The following GRIK2 variants were observed in gnomAD, a reference collection of about 807,000 sequenced individuals.
The protein encoded by GRIK2 is glutamate receptor ionotropic, kainate 2.
GRIK2 carries 32 observed loss-of-function variants against 100.3 expected under a neutral mutation model. The ratio of observed to expected loss-of-function variants is 0.32; its 90% CI spans 0.24 to 0.43. The LOEUF is 0.43. Among genes scored for constraint, GRIK2 ranks in the 20% least tolerant of loss-of-function variants. The pLI, the probability that GRIK2 is intolerant of heterozygous loss-of-function variation, is 1.00. For synonymous variants in GRIK2, 417 were observed against 389.4 expected (o/e 1.07, Z -0.83); for missense variants, 843 against 1,114.9 (o/e 0.76, Z 3.47).
intron 7 of GRIK2, among the ~76,000 whole-genome samples, chr6:101,713,229 G>A (rs934916459): frequency 1.3e-5 from 2 of 151,398 alleles, no homozygotes; most frequent in Admixed American, 1.3e-4. Flanking sequence ...TTAGAGGCAT[G>A]GTATCTGTCA....
At chr6:101,594,155 G>C (rs765455389) in intron 2 of GRIK2, among the ~76,000 whole-genome samples, 1 of 151,744 alleles carries the variant, frequency 6.6e-6, no homozygotes, top group Non-Finnish European at 1.5e-5. Flanking sequence ...TGCCAATTTA[G>C]TAATGTAATA....
chr6:101,524,659 AT>A, intron 2 of GRIK2, among the ~76,000 whole-genome samples: 1 of 151,038 alleles, frequency 6.6e-6, no homozygotes. Context: ...GCTCCACAAT[AT>A]TTTACAAATT....
rs548175656 is a variant in GRIK2, at chr6:101,787,344, A to G, written c.952-12304A>G. On this transcript the variant is annotated intron_variant, in intron 7 of 16. Coordinates refer to ENST00000369134, the MANE Select transcript of GRIK2 (RefSeq NM_021956.5). ...TCTTTATTATTTTTTTCTTCTACTA[A>G]TACTAGGTTTGATTTGTTCTTACTT... 7.9e-5 allele frequency among the ~76,000 whole-genome samples: 12 copies of G among 151,668 alleles called. No individual in the cohort carries two copies. The South Asian group carries it at 2.3e-3, about 29-fold the overall frequency.
chr6:101,655,286 T>G (rs1175677424), intron 4 of GRIK2, among the ~76,000 whole-genome samples: 2 of 152,172 alleles, frequency 1.3e-5, no homozygotes. Context: ...AGTAAGAATT[T>G]TTTGTAGAAA....
chr6:101,929,959 A>G (rs1790154794), intron 14 of GRIK2, among the ~76,000 whole-genome samples: 1 of 152,138 alleles, frequency 6.6e-6, no homozygotes, highest in Admixed American at 6.5e-5. Flanking sequence ...ATTAATTGCG[A>G]TGGATCAGTT....
At chr6:101,636,340 G>A (rs1162077292) in intron 4 of GRIK2, among the ~76,000 whole-genome samples, 1 of 152,036 alleles carries the variant, frequency 6.6e-6, no homozygotes, top group Non-Finnish European at 1.5e-5. Context: ...TCACACACTG[G>A]GGCCTGTCAG....
At chr6:101,979,961 G>T (rs1167669236) in intron 14 of GRIK2, among the ~76,000 whole-genome samples, 1 of 151,964 alleles carries the variant, frequency 6.6e-6, no homozygotes, top group Admixed American at 6.6e-5. Context: ...GATTTCTGTG[G>T]TGGAGAAGTG....
chr6:101,930,313 G>A (rs1372473746), intron 14 of GRIK2, among the ~76,000 whole-genome samples: 2 of 150,272 alleles, frequency 1.3e-5, no homozygotes, highest in Non-Finnish European at 2.9e-5. Flanking sequence ...TAGCACTCCA[G>A]CTTGGGCAAC....
chr6:101,569,248 G>A (rs1777424912), intron 2 of GRIK2, among the ~76,000 whole-genome samples: 1 of 151,560 alleles, frequency 6.6e-6, no homozygotes, highest in East Asian at 1.9e-4. Context: ...AAGTATAAAC[G>A]ATAAACATTT....
intron 10 of GRIK2, among the ~76,000 whole-genome samples, chr6:101,851,776 TAA>T (rs35853158): frequency 1.2e-3 from 171 of 147,040 alleles, no homozygotes; most frequent in Non-Finnish European, 1.3e-3. Flanking sequence ...CCCAGTTAAC[TAA>T]AAAAAAAAAA....
intron 11 of GRIK2, among the ~76,000 whole-genome samples, chr6:101,865,884 G>T (rs561977206): frequency 6.9e-6 from 1 of 144,054 alleles, no homozygotes; most frequent in African/African-American, 2.6e-5. Context: ...GTGAGACCCC[G>T]TCTCAAAAAA....
At chr6:101,653,640 C>CT (rs1336626023) in intron 4 of GRIK2, among the ~76,000 whole-genome samples, 1,577 of 149,400 alleles carry the variant, frequency 0.011, 25 homozygotes, top group African/African-American at 0.037. Flanking sequence ...TTCTTTCTTT[C>CT]TTTTTTTTTT....
chr6:101,933,991 T>G (rs1413146422), intron 14 of GRIK2, among the ~76,000 whole-genome samples: 2 of 151,850 alleles, frequency 1.3e-5, no homozygotes, highest in Non-Finnish European at 2.9e-5. Flanking sequence ...TTGTTTTCTC[T>G]GTCTCTCTCT....
chr6:101,486,394 G>GT (rs1554207435), intron 2 of GRIK2, among the ~76,000 whole-genome samples: 2 of 139,508 alleles, frequency 1.4e-5, no homozygotes, highest in Non-Finnish European at 3.1e-5. Flanking sequence ...GGTGGGGCGG[G>GT]GGGGGGAAGC....
intron 7 of GRIK2, among the ~76,000 whole-genome samples, chr6:101,741,107 A>G (rs1490408197): frequency 6.6e-6 from 1 of 152,230 alleles, no homozygotes; most frequent in African/African-American, 2.4e-5. Context: ...GAAAGCCACA[A>G]GCATGCAAGT....
intron 7 of GRIK2, among the ~76,000 whole-genome samples, chr6:101,719,468 T>C: frequency 6.6e-6 from 1 of 151,526 alleles, no homozygotes; most frequent in African/African-American, 2.4e-5. Flanking sequence ...TAACACCCAA[T>C]GGGAGAAAGA....
chr6:101,892,954 A>G (rs542071048), intron 12 of GRIK2, among the ~76,000 whole-genome samples: 14 of 151,496 alleles, frequency 9.2e-5, no homozygotes, highest in Admixed American at 9.2e-4. Flanking sequence ...AATCAAATGA[A>G]TTTGTTTAAT....
chr6:101,988,334 G>T (rs1309151659), intron 14 of GRIK2, among the ~76,000 whole-genome samples: 1 of 151,728 alleles, frequency 6.6e-6, no homozygotes, highest in Non-Finnish European at 1.5e-5. Flanking sequence ...TGTATGAATA[G>T]TCTAATATCT....
rs572626384 is a variant in GRIK2 at position 101,757,544 on chromosome 6, G to A, written c.952-42104G>A. Reference sequence around the variant, plus strand: ...ACTTCTTTTCTCAACATGCAGATGAGATAAATACAATTATCATTCTATTTC... The same window carrying A: ...ACTTCTTTTCTCAACATGCAGATGAAATAAATACAATTATCATTCTATTTC... On this transcript the variant is annotated intron_variant, in intron 7 of 16. Coordinates refer to ENST00000369134, the MANE Select transcript of GRIK2 (RefSeq NM_021956.5). Among the ~76,000 whole-genome samples, 11 of 152,262 alleles carry A rather than the reference G, an allele frequency of 7.2e-5. No homozygotes were observed. In the South Asian group the frequency reaches 2.3e-3, roughly 32 times the overall value.
Sources: gnomAD v4.1 joint callset for allele counts (sites outside exome capture counted in the v4.1 genomes callset) on GRCh38, gnomAD v4.1.1 for gene constraint, MANE v1.5 for transcripts, NCBI Gene and HGNC (gene_info 2026-07-23, HGNC 2026-07-21) for gene names.